The following HSPD1 variants were observed in gnomAD, a reference collection of about 807,000 sequenced individuals.
HSPD1 encodes heat shock protein family D (Hsp60) member 1.
In HSPD1, 3 loss-of-function variants were observed where a neutral mutation model predicts 53.0. That is an observed-to-expected ratio of 0.06 (90% CI 0.03 to 0.15). HSPD1 has a LOEUF of 0.15. HSPD1 is among the 10% of genes least tolerant of loss of function. HSPD1 has a pLI of 1.00. For missense variants in HSPD1, 431 were observed against 694.1 expected (o/e 0.62, Z 4.26); for synonymous variants, 200 against 228.0 (o/e 0.88, Z 1.10).
At chr2:197,488,761 G>A (rs1420250610) in intron 9 of HSPD1, among the ~76,000 whole-genome samples, 1 of 152,134 alleles carries the variant, frequency 6.6e-6, no homozygotes, top group Non-Finnish European at 1.5e-5. Context: ...CCAGCTACTC[G>A]GGAGGCCAAG....
Position 197,487,108 on chromosome 2 carries a change from T to C in HSPD1, c.1660A>G (p.Lys554Glu). 1.3e-6 allele frequency: 2 copies of C among 1,576,750 alleles called. No individual in the cohort carries two copies. The highest frequency in any genetic ancestry group is 1.7e-6 in the Non-Finnish European group (2 of 1,146,252). The change falls in exon 12 of 12, where the codon AAG becomes GAG. Residue 554 changes from lysine to glutamate, a missense_variant. This residue lies in a region of HSPD1 where 386 missense variants were observed against 657.6 expected (regional missense o/e 0.59). Transcript: ENST00000388968. ...VVVTEIPKEE[K>E]DPGMGAMGGM... ...CCCATTGCACCCATTCCAGGGTCCTTCTCTTCTTTAGGAATTTCTGTGACT... is the reference window on the plus strand; with the variant it reads ...CCCATTGCACCCATTCCAGGGTCCTCCTCTTCTTTAGGAATTTCTGTGACT...
In HSPD1 at chr2:197,490,274, C is replaced by G. The variant is rs200643080; in HGVS notation, c.892G>C (p.Val298Leu). The change falls in exon 8 of 12, where the codon GTG becomes CTG. Residue 298 changes from valine to leucine, a missense_variant. By Grantham distance (32) the Val-to-Leu change is conservative. Coordinates refer to ENST00000388968, the MANE Select transcript of HSPD1 (RefSeq NM_002156.5). The part of the protein sequence containing the change: ...LNRLKVGLQV[V>L]AVKAPGFGDN... ...CCAAACCCTGGAGCCTTGACTGCCA[C>G]AACCTGAAGACCAACCTTTAGCCTG... The G allele has an allele frequency of 3.1e-6, 5 of 1,613,750 alleles. No homozygotes were observed. The highest frequency in any genetic ancestry group is 3.4e-6 in the Non-Finnish European group (4 of 1,179,798).
chr2:197,494,595 TA>T, intron 5 of HSPD1, 61 bp downstream of exon 5: 1 of 767,428 alleles, frequency 1.3e-6, no homozygotes, highest in Non-Finnish European at 2.0e-6. Flanking sequence ...GATCATCAGA[TA>T]ACTCAAACTT....
chr2:197,491,574 A>T (rs1161513184), intron 7 of HSPD1, among the ~76,000 whole-genome samples: 5 of 152,192 alleles, frequency 3.3e-5, no homozygotes, highest in African/African-American at 1.2e-4. Context: ...TCTAAAACGT[A>T]CCTGTTAATG....
At chr2:197,500,183 C>G (rs1429003987), upstream of HSPD1, 4 of 581,430 alleles carry the variant, frequency 6.9e-6, no homozygotes, top group Admixed American at 6.1e-5. Context: ...CTAGAAAAGC[C>G]TAGAAACAGC....
rs1210890326 is a variant in HSPD1 at position 197,495,255 on chromosome 2, A to C, written c.510+39T>G. The C allele has an allele frequency of 3.2e-6, 4 of 1,257,800 alleles. No homozygotes were observed. The African/African-American group carries it at 4.4e-5, about 14-fold the overall frequency. 77.9% of individuals were successfully genotyped at this position (1,257,800 alleles called of 1,614,324 possible). On this transcript the variant is annotated intron_variant, in intron 4 of 11. Transcript: ENST00000388968. Reference sequence around the variant, plus strand: ...AAAAAAAAAATCACACATGCCATTAAATTTTTTTTAAAAAACGTGTAACAT... The same window carrying C: ...AAAAAAAAAATCACACATGCCATTACATTTTTTTTAAAAAACGTGTAACAT...
rs766526223 is a variant in HSPD1, at chr2:197,487,238, A to G, written c.1570-40T>C. On this transcript the variant is annotated intron_variant, in intron 11 of 11. Coordinates refer to ENST00000388968, the MANE Select transcript of HSPD1 (RefSeq NM_002156.5). ...AATTAATTAGTTTTCCCTTAGTAAA[A>G]TATGAGCAAGACTTATTGAAAATTT... is the stretch of plus-strand genomic sequence containing the variant. 3.2e-6 allele frequency: 5 copies of G among 1,572,152 alleles called. No homozygotes were observed. In the African/African-American group the frequency reaches 4.1e-5, roughly 13 times the overall value.
At chr2:197,496,458 C>T (rs978831690) in intron 3 of HSPD1, among the ~76,000 whole-genome samples, 2 of 152,182 alleles carry the variant, frequency 1.3e-5, no homozygotes, top group Non-Finnish European at 2.9e-5. Flanking sequence ...TAGCTCCCCC[C>T]ACCTTCACTT....
chr2:197,488,100 G>A, intron 10 of HSPD1, 64 bp from the exon 11 acceptor site: 1 of 1,244,816 alleles, frequency 8.0e-7, no homozygotes, highest in Non-Finnish European at 1.2e-6. Flanking sequence ...ACATTTATAA[G>A]TTGTGAGGAT....
upstream of HSPD1, chr2:197,500,181 G>A: frequency 1.7e-6 from 1 of 580,466 alleles, no homozygotes; most frequent in South Asian, 2.1e-5. Context: ...GCCTAGAAAA[G>A]CCTAGAAACA....
At chr2:197,494,783 A>C in intron 4 of HSPD1, 31 bp from the exon 5 acceptor site, 1 of 1,457,808 alleles carries the variant, frequency 6.9e-7, no homozygotes, top group East Asian at 2.3e-5. Context: ...TTCGAAATTA[A>C]AAGGTAAGCC....
intron 7 of HSPD1, among the ~76,000 whole-genome samples, chr2:197,493,096 G>C (rs138141830): frequency 2.0e-5 from 3 of 151,810 alleles, no homozygotes; most frequent in African/African-American, 7.2e-5. Flanking sequence ...TGCTAAATTA[G>C]TCTATTCTAT....
intron 6 of HSPD1, among the ~76,000 whole-genome samples, chr2:197,493,849 C>G (rs1484945551): frequency 1.3e-5 from 2 of 152,104 alleles, no homozygotes; most frequent in African/African-American, 2.4e-5. Flanking sequence ...ACCTATAATC[C>G]CAGCACTTTG....
Position 197,498,659 on chromosome 2 carries a change from A to T in HSPD1, c.174+16T>A, listed in dbSNP as rs781615339. On this transcript the variant is annotated intron_variant, in intron 2 of 11. Transcript: ENST00000388968. ...TTAATAATACCGTAATTACAATAAA[A>T]TAAAAATACTGGTACCTTTGGCCCC... 12 of 1,609,182 alleles carry T rather than the reference A, an allele frequency of 7.5e-6. No individual in the cohort carries two copies. The South Asian group carries it at 1.2e-4, about 16-fold the overall frequency.
At position 197,486,754 on chromosome 2, in the gene HSPD1, G is replaced by GA; in HGVS notation, c.*291dup. The GA allele has an allele frequency of 1.0e-5, 4 of 401,630 alleles. No homozygotes were observed. Among genetic ancestry groups the GA allele is most frequent in the Non-Finnish European group, 1.9e-5 (4 of 213,570 alleles). The allele number at this position is 401,630 out of a possible 1,614,324, so 24.9% of individuals were successfully genotyped here. A position where few individuals can be genotyped will look rare whatever the true frequency, so the allele number is the denominator to read the frequency against. ...AGAATAGTAGTAAAAATGCCTCAGT[G>GA]ATTTAAGTTGAAAGCAGTACACTGG... On this transcript the variant is annotated 3_prime_UTR_variant, in exon 12 of 12. Transcript: ENST00000388968.
At position 197,494,642 on chromosome 2, in the gene HSPD1, T is replaced by C. The variant is rs2086135253; in HGVS notation, c.606+15A>G. ...GATAACTCAAAATTATCTTTAAAAA[T>C]ACAAACACACTTGCCTTTACTGTGA... On this transcript the variant is annotated intron_variant, in intron 5 of 11. Coordinates refer to ENST00000388968, the MANE Select transcript of HSPD1 (RefSeq NM_002156.5). 1 of 1,506,262 alleles carries C rather than the reference T, an allele frequency of 6.6e-7. No homozygotes were observed. The highest frequency in any genetic ancestry group is 2.3e-5 in the East Asian group (1 of 44,240). 93.3% of individuals were successfully genotyped at this position (1,506,262 alleles called of 1,614,324 possible). A position where few individuals can be genotyped will look rare whatever the true frequency, so the allele number is the denominator to read the frequency against.
At chr2:197,487,347 G>C (rs2086038702) in intron 11 of HSPD1, 149 bp from the exon 12 acceptor site, 1 of 709,030 alleles carries the variant, frequency 1.4e-6, no homozygotes, top group East Asian at 2.8e-5. Context: ...AGGAGTTCAA[G>C]ACCAGCCTGG....
At chr2:197,496,046 T>A (rs1437647336) in intron 3 of HSPD1, among the ~76,000 whole-genome samples, 3 of 152,316 alleles carry the variant, frequency 2.0e-5, no homozygotes, top group African/African-American at 7.2e-5. Flanking sequence ...CCAAAATGGC[T>A]AACACTCCCT....
At chr2:197,494,912 T>C in intron 4 of HSPD1, 160 bp from the exon 5 acceptor site, 1 of 659,428 alleles carries the variant, frequency 1.5e-6, no homozygotes, top group Non-Finnish European at 2.8e-6. Context: ...GGTTCTTTGC[T>C]CTTTTCCGAT....
Sources: gnomAD v4.1 joint callset for allele counts (sites outside exome capture counted in the v4.1 genomes callset) on GRCh38, gnomAD v4.1.1 for gene constraint, gnomAD v4.1.1 regional missense constraint, MANE v1.5 for transcripts, NCBI Gene and HGNC (gene_info 2026-07-23, HGNC 2026-07-21) for gene names.